The following CHST7 variants were observed in gnomAD, a reference collection of about 807,000 sequenced individuals.
CHST7 encodes N-acetylglucosamine 6-O-sulfotransferase 4.
A neutral mutation model predicts 9.0 loss-of-function variants in CHST7; 5 were observed. The observed-to-expected ratio is 0.56, with a 90% CI of 0.29 to 1.17. The LOEUF (loss-of-function observed/expected upper bound fraction) is 1.17, where lower values mean the gene tolerates loss of function less well. CHST7 is among the 50% of genes most tolerant of loss of function. CHST7 has a pLI of 0.08. For missense variants in CHST7, 377 were observed against 485.1 expected (o/e 0.78, Z 2.09); for synonymous variants, 244 against 237.1 (o/e 1.03, Z -0.27).
Position 46,578,871 on chromosome X carries a change from C to T in CHST7, c.*31+3448C>T, listed in dbSNP as rs193063476. Among the ~76,000 whole-genome samples, 524 of 111,545 alleles carry T rather than the reference C, an allele frequency of 4.7e-3. 8 individuals carry two copies. In the East Asian group the frequency reaches 0.051, roughly 11 times the overall value. Reference sequence around the variant, plus strand: ...GAGCATTGTGATTGGCTTAGACCAGCGGTTCTCAGCCCTGGCTGAACATTA... The same window carrying T: ...GAGCATTGTGATTGGCTTAGACCAGTGGTTCTCAGCCCTGGCTGAACATTA... On this transcript the variant is annotated intron_variant, in intron 1 of 1. Transcript: ENST00000276055.
chrX:46,592,851 T>TC (rs1448099834), intron 1 of CHST7, among the ~76,000 whole-genome samples: 1 of 108,366 alleles, frequency 9.2e-6, no homozygotes, highest in Admixed American at 1.0e-4. Flanking sequence ...GATCTTTTTT[T>TC]CTCATGTATG....
At chrX:46,595,891 A>G (rs1942591578) in intron 1 of CHST7, among the ~76,000 whole-genome samples, 1 of 111,454 alleles carries the variant, frequency 9.0e-6, no homozygotes, top group Non-Finnish European at 1.9e-5. Context: ...TAATCCTAGC[A>G]CTTTGGGAGG....
intron 1 of CHST7, among the ~76,000 whole-genome samples, chrX:46,585,430 C>T (rs1446017499): frequency 1.8e-5 from 2 of 110,392 alleles, no homozygotes; most frequent in African/African-American, 6.6e-5. Context: ...GCTGGGACTA[C>T]AGGCATGCGC....
rs1942608662 is a variant in CHST7 at position 46,598,360 on chromosome X, T to G, written c.*632T>G. 3.6e-5 allele frequency: 4 copies of G among 112,231 alleles called. No homozygotes were observed. The South Asian group carries it at 1.5e-3, about 41-fold the overall frequency. The allele number at this position is 112,231 out of a possible 1,213,427, so 9.2% of individuals were successfully genotyped here. ...ACTTTAAAATTTTTCTGTCTGGCGT[T>G]TTTGTAATCATACTATTAAATGACT... On this transcript the variant is annotated 3_prime_UTR_variant, in exon 2 of 2. Transcript: ENST00000276055.
At chrX:46,589,441 T>G (rs1036145302) in intron 1 of CHST7, among the ~76,000 whole-genome samples, 3 of 109,139 alleles carry the variant, frequency 2.7e-5, no homozygotes, top group Non-Finnish European at 5.7e-5. Flanking sequence ...TCCCAACTAC[T>G]CGGGAGGCTG....
In CHST7 at chrX:46,574,261, G is replaced by A; in HGVS notation, c.330G>A (p.Trp110Ter). Reference sequence around the variant, plus strand: ...AGCACATCTACGTGCATGCCACCTGGCGCACCGGCTCGTCCTTCCTGGGCG... The same window carrying A: ...AGCACATCTACGTGCATGCCACCTGACGCACCGGCTCGTCCTTCCTGGGCG... Reference protein sequence around the residue: ...EKQHIYVHATWRTGSSFLGEL... With the variant: ...EKQHIYVHAT Residue 110 changes from tryptophan to a stop codon, truncating the protein, a stop_gained, in exon 1 of 2, where the codon TGG (tryptophan) becomes TGA (stop). Transcript: ENST00000276055. LOFTEE classifies it high-confidence loss of function. 1 of 1,211,829 alleles carries A rather than the reference G, an allele frequency of 8.3e-7. No homozygotes were observed. The highest frequency in any genetic ancestry group is 1.1e-6 in the Non-Finnish European group (1 of 895,334).
rs766424462 is a variant in CHST7, at chrX:46,574,182, G to C, written c.251G>C (p.Arg84Pro). ...AEEGGANQSP[R>P]FPSNLSGAVG... ...GAAGGGGGCGCGAACCAGTCTCCTC[G>C]GTTCCCAAGCAACCTCAGCGGCGCT... Residue 84 changes from arginine to proline, a missense_variant, in exon 1 of 2, where the codon CGG (arginine) becomes CCG (proline). This residue lies in a region of CHST7 where 239 missense variants were observed against 325.7 expected (regional missense o/e 0.73). Coordinates refer to ENST00000276055, the MANE Select transcript of CHST7 (RefSeq NM_019886.4). 32 of 1,191,972 alleles carry C rather than the reference G, an allele frequency of 2.7e-5. No individual in the cohort carries two copies. The highest frequency in any genetic ancestry group is 7.3e-5 in the South Asian group (4 of 55,051).
Position 46,574,454 on chromosome X carries a change from G to T in CHST7, c.523G>T (p.Gly175Trp), listed in dbSNP as rs1569490336. Reference protein sequence around the residue: ...FSVLRLYAPPGDPAARAPDTA... With the variant: ...FSVLRLYAPPWDPAARAPDTA... ...CGTGCTGCGGCTGTACGCGCCGCCG[G>T]GGGACCCCGCTGCGCGCGCCCCGGA... The change falls in exon 1 of 2, where the codon GGG (glycine) becomes TGG (tryptophan). Residue 175 changes from glycine to tryptophan, a missense_variant. By Grantham distance (184) the Gly-to-Trp change is radical. Transcript: ENST00000276055. 2 of 1,207,299 alleles carry T rather than the reference G, an allele frequency of 1.7e-6. No individual in the cohort carries two copies. The highest frequency in any genetic ancestry group is 5.9e-5 in the East Asian group (2 of 33,679).
chrX:46,585,494 T>C (rs1197161579), intron 1 of CHST7, among the ~76,000 whole-genome samples: 1 of 110,736 alleles, frequency 9.0e-6, no homozygotes, highest in Non-Finnish European at 1.9e-5. Context: ...TTCACCACAT[T>C]GGCCAGGCTG....
intron 1 of CHST7, among the ~76,000 whole-genome samples, chrX:46,585,767 A>G (rs188739239): frequency 8.9e-6 from 1 of 112,085 alleles, no homozygotes; most frequent in African/African-American, 3.2e-5. Context: ...TATTTTTGAG[A>G]CGGAGTCTTG....
At position 46,574,497 on chromosome X, in the gene CHST7, C is replaced by A; in HGVS notation, c.566C>A (p.Thr189Lys). Residue 189 changes from threonine (T) to lysine (K), a missense_variant, in exon 1 of 2, where the codon ACG becomes AAG. Coordinates refer to ENST00000276055, the MANE Select transcript of CHST7 (RefSeq NM_019886.4). ...ARAPDTANLT[T>K]AALFRWRTNK... ...GCCCCGGACACGGCCAATCTTACCA[C>A]GGCCGCCCTCTTCCGCTGGCGGACT... is the stretch of plus-strand genomic sequence containing the variant. The A allele has an allele frequency of 8.3e-7, 1 of 1,206,873 alleles. No homozygotes were observed. The highest frequency in any genetic ancestry group is 1.1e-6 in the Non-Finnish European group (1 of 892,979).
At chrX:46,587,754 C>T (rs1235487442) in intron 1 of CHST7, among the ~76,000 whole-genome samples, 1 of 112,338 alleles carries the variant, frequency 8.9e-6, no homozygotes, top group East Asian at 2.8e-4. Flanking sequence ...CACTCATTTC[C>T]GTTTTCCTTG....
In CHST7 at chrX:46,574,624, C is replaced by A; in HGVS notation, c.693C>A (p.Pro231=). Residue 231 remains proline (P), a synonymous_variant, in exon 1 of 2, where the codon CCC becomes CCA. Transcript: ENST00000276055. ...EDTACERSCP[P]VAIRALEAEC... The stretch of plus-strand genomic sequence containing the variant: ...CCGCCTGCGAGCGCAGCTGCCCACC[C>A]GTGGCGATACGCGCCCTGGAGGCCG... The A allele has an allele frequency of 8.3e-7, 1 of 1,206,782 alleles. No individual in the cohort carries two copies. The highest frequency in any genetic ancestry group is 1.1e-6 in the Non-Finnish European group (1 of 893,182).
chrX:46,578,269 C>CTTT lies in CHST7; in HGVS notation c.*31+2868_*31+2870dup, dbSNP rs3071957. On this transcript the variant is annotated intron_variant, in intron 1 of 1. Coordinates refer to ENST00000276055, the MANE Select transcript of CHST7 (RefSeq NM_019886.4). ...GAGGGGTTTTTCCTCCTGCCATGCT[C>CTTT]TTTTTTTTTTTTTTTTTTTTTTTTG... 3.5e-3 allele frequency among the ~76,000 whole-genome samples: 181 copies of CTTT among 51,304 alleles called. 11 individuals carry two copies. Among genetic ancestry groups the CTTT allele is most frequent in the African/African-American group, 8.9e-3 (91 of 10,260 alleles). 44.6% of individuals were successfully genotyped at this position (51,304 alleles called of 115,157 possible). A position where few individuals can be genotyped will look rare whatever the true frequency, so the allele number is the denominator to read the frequency against.
At chrX:46,597,524 T>C (rs912218411) in intron 1 of CHST7, among the ~76,000 whole-genome samples, 1 of 112,205 alleles carries the variant, frequency 8.9e-6, no homozygotes, top group East Asian at 2.8e-4. Flanking sequence ...AGCGCAGCCA[T>C]GCTAACAGAG....
chrX:46,577,331 A>G, intron 1 of CHST7, among the ~76,000 whole-genome samples: 1 of 110,330 alleles, frequency 9.1e-6, no homozygotes, highest in Admixed American at 9.6e-5. Context: ...CTGCAGGGAC[A>G]TCTGGGAGCA....
chrX:46,581,293 C>T (rs1430576458), intron 1 of CHST7, among the ~76,000 whole-genome samples: 3 of 104,850 alleles, frequency 2.9e-5, no homozygotes, highest in Non-Finnish European at 5.8e-5. Flanking sequence ...TGCAGTGGCT[C>T]ATGCCTGTAA....
chrX:46,587,779 A>G (rs1213738483), intron 1 of CHST7, among the ~76,000 whole-genome samples: 2 of 112,269 alleles, frequency 1.8e-5, no homozygotes, highest in Non-Finnish European at 3.8e-5. Context: ...TGTAGTTGCT[A>G]ATTTGAAGTG....
chrX:46,578,215 G>A (rs1602107445), intron 1 of CHST7, among the ~76,000 whole-genome samples: 1 of 108,091 alleles, frequency 9.3e-6, no homozygotes, highest in East Asian at 2.9e-4. Flanking sequence ...ATACAGAAAG[G>A]AAGGAAGCTA....
Sources: allele counts gnomAD v4.1 joint callset (sites outside exome capture counted in the v4.1 genomes callset), GRCh38; gene constraint gnomAD v4.1.1; regional missense constraint gnomAD v4.1.1; transcripts MANE v1.5; gene names NCBI Gene and HGNC (gene_info 2026-07-23, HGNC 2026-07-21).